The following MYCBPAP variants were observed in gnomAD, a reference collection of about 807,000 sequenced individuals.
MYCBPAP encodes MYCBP associated protein.
Under a neutral mutation model 106.1 loss-of-function variants are expected in MYCBPAP, and 60 were observed. The ratio of observed to expected loss-of-function variants is 0.57; its 90% CI spans 0.46 to 0.70. The LOEUF (loss-of-function observed/expected upper bound fraction) is 0.70. Ranked by LOEUF, MYCBPAP falls within the 30% of genes least tolerant of loss-of-function variation. MYCBPAP has a pLI of 0.00. For synonymous variants in MYCBPAP, 407 were observed against 440.6 expected (o/e 0.92, Z 0.95); for missense variants, 1,064 against 1,169.3 (o/e 0.91, Z 1.31).
Position 50,529,003 on chromosome 17 carries a change from T to C in MYCBPAP, c.2554-15T>C. Reference sequence around the variant, plus strand: ...GGAGCTCCTGAAGGCTATGTGTGTCTCCCTCCCCCAGCAGGACCGTCCCAA... The same window carrying C: ...GGAGCTCCTGAAGGCTATGTGTGTCCCCCTCCCCCAGCAGGACCGTCCCAA... On this transcript the variant is annotated splice_polypyrimidine_tract_variant and intron_variant, in intron 17 of 18. Coordinates refer to ENST00000323776, the MANE Select transcript of MYCBPAP (RefSeq NM_032133.6). The C allele has an allele frequency of 6.2e-7, 1 of 1,611,108 alleles. No individual in the cohort carries two copies. Among genetic ancestry groups the C allele is most frequent in the Non-Finnish European group, 8.5e-7 (1 of 1,178,518 alleles).
At chr17:50,525,515 A>G (rs2034428091) in intron 13 of MYCBPAP, among the ~76,000 whole-genome samples, 1 of 152,100 alleles carries the variant, frequency 6.6e-6, no homozygotes. Flanking sequence ...ATAGCGTGTC[A>G]TACTGTCACA....
rs1219378324 is a variant in MYCBPAP at position 50,529,124 on chromosome 17, T to C, written c.2660T>C (p.Leu887Pro). ...SLEDPTPDIILSSQEPIDPLV... is the reference protein window; with the variant it reads ...SLEDPTPDIIPSSQEPIDPLV... Reference sequence around the variant, plus strand: ...GAAGACCCTACCCCTGACATCATCCTCTCTTCTCAAGAACCCATAGACCCC... The same window carrying C: ...GAAGACCCTACCCCTGACATCATCCCCTCTTCTCAAGAACCCATAGACCCC... Residue 887 changes from leucine to proline, a missense_variant, in exon 18 of 19, where the codon CTC (leucine) becomes CCC (proline). Leu to Pro is a moderately conservative substitution (Grantham distance 98, BLOSUM62 -3). Coordinates refer to ENST00000323776, the MANE Select transcript of MYCBPAP (RefSeq NM_032133.6). 3 of 1,613,742 alleles carry C rather than the reference T, an allele frequency of 1.9e-6. No individual in the cohort carries two copies. In the African/African-American group the frequency reaches 4.0e-5, roughly 22 times the overall value.
At position 50,517,424 on chromosome 17, in the gene MYCBPAP, T is replaced by G; in HGVS notation, c.336T>G (p.Asp112Glu). 1 of 1,614,214 alleles carries G rather than the reference T, an allele frequency of 6.2e-7. No individual in the cohort carries two copies. The highest frequency in any genetic ancestry group is 8.5e-7 in the Non-Finnish European group (1 of 1,180,038). The change falls in exon 3 of 19, where the codon GAT becomes GAG. Residue 112 changes from aspartate to glutamate, a missense_variant. Physicochemically the swap from Asp to Glu is conservative, Grantham distance 45. Coordinates refer to ENST00000323776, the MANE Select transcript of MYCBPAP (RefSeq NM_032133.6). Reference sequence around the variant, plus strand: ...TTGTAGCACGTCCTGCGAATCCTGATGAAGCCACAAAGCCTCTGGACTACT... The same window carrying G: ...TTGTAGCACGTCCTGCGAATCCTGAGGAAGCCACAAAGCCTCTGGACTACT... ...CHLVARPANP[D>E]EATKPLDYSG...
At position 50,527,404 on chromosome 17, in the gene MYCBPAP, A is replaced by C; in HGVS notation, c.2287A>C (p.Met763Leu). The change falls in exon 15 of 19, where the codon ATG becomes CTG. Residue 763 changes from methionine (M) to leucine (L), a missense_variant. Physicochemically the swap from Met to Leu is conservative, Grantham distance 15. Transcript: ENST00000323776. ...RPLQSNLLHQ[M>L]CLQLWRDVID... ...ATTGCAGTCCAACCTCCTGCACCAG[A>C]TGTGGTAGGTGCCCTGCCAGGAGAG... 6.2e-7 allele frequency: 1 copy of C among 1,613,822 alleles called. No individual in the cohort carries two copies. Among genetic ancestry groups the C allele is most frequent in the Non-Finnish European group, 8.5e-7 (1 of 1,179,890 alleles).
intron 1 of MYCBPAP, chr17:50,510,499 G>GTATATATATATATA (rs3063016): frequency 2.5e-4 from 19 of 76,420 alleles, no homozygotes; most frequent in Non-Finnish European, 3.6e-4. Flanking sequence ...GTGTGTGTGT[G>GTATATATATATATA]TATATATATA....
At chr17:50,528,337 C>A in intron 16 of MYCBPAP, 67 bp downstream of exon 16, 1 of 1,329,498 alleles carries the variant, frequency 7.5e-7, no homozygotes, top group Non-Finnish European at 1.1e-6. Context: ...GGACAAGCAG[C>A]AGTGCCTGGG....
At chr17:50,512,924 A>C (rs2143901213) in intron 1 of MYCBPAP, among the ~76,000 whole-genome samples, 1 of 152,030 alleles carries the variant, frequency 6.6e-6, no homozygotes, top group East Asian at 1.9e-4. Context: ...ACATACAAAA[A>C]ATAGTTGGGC....
chr17:50,509,021 C>T (rs755458579), intron 1 of MYCBPAP: 2 of 702,834 alleles, frequency 2.8e-6, no homozygotes, highest in South Asian at 1.5e-5. Context: ...TGGCCTTGCG[C>T]TACCTCTAAC....
At position 50,529,275 on chromosome 17, in the gene MYCBPAP, C is replaced by G. The variant is rs558199738; in HGVS notation, c.2724+87C>G. ...GTCTGCAGACAATAAGTGCCCACTC[C>G]ATCATGGTGGAAGCAGAGCTGCTTC... On this transcript the variant is annotated intron_variant, in intron 18 of 18. Coordinates refer to ENST00000323776, the MANE Select transcript of MYCBPAP (RefSeq NM_032133.6). 5 of 1,296,620 alleles carry G rather than the reference C, an allele frequency of 3.9e-6. No homozygotes were observed. The East Asian group carries it at 1.2e-4, about 31-fold the overall frequency. The allele number at this position is 1,296,620 out of a possible 1,614,324, so 80.3% of individuals were successfully genotyped here.
At chr17:50,518,518 C>T (rs1431285418) in intron 4 of MYCBPAP, 23 bp from the exon 5 acceptor site, 2 of 1,537,922 alleles carry the variant, frequency 1.3e-6, no homozygotes, top group South Asian at 2.6e-5. Context: ...CTGCCCTCCA[C>T]ATACCTATGT....
intron 5 of MYCBPAP, 72 bp downstream of exon 5, chr17:50,518,796 C>T: frequency 6.5e-7 from 1 of 1,542,440 alleles, no homozygotes; most frequent in Non-Finnish European, 8.8e-7. Context: ...GTTTGCTCTC[C>T]TCCAGAGCCT....
chr17:50,519,516 G>A (rs1222521348), intron 6 of MYCBPAP, 124 bp from the exon 7 acceptor site: 18 of 1,164,512 alleles, frequency 1.5e-5, no homozygotes, highest in African/African-American at 4.6e-5. Flanking sequence ...ATGCAATCAC[G>A]GCAGCAATGA....
At chr17:50,510,495 GTGTGTATATATATATA>G (rs1444759636) in intron 1 of MYCBPAP, 8 of 93,066 alleles carry the variant, frequency 8.6e-5, no homozygotes, top group African/African-American at 3.9e-4. Context: ...GTGTGTGTGT[GTGTGTATATATATATA>G]TATATATATA....
chr17:50,519,753 C>T lies in MYCBPAP; in HGVS notation c.882C>T (p.His294=), dbSNP rs28498091. 0.15 allele frequency: 248,991 copies of T among 1,613,642 alleles called. 21,695 individuals are homozygous for T. Among genetic ancestry groups the T allele is most frequent in the African/African-American group, 0.35 (26,287 of 74,962 alleles). The change falls in exon 7 of 19, where the codon CAC becomes CAT. Residue 294 remains histidine (H), a synonymous_variant. Transcript: ENST00000323776. The part of the protein sequence containing the change: ...TQRGLMEPIT[H]IRKPHSIRVE... The stretch of plus-strand genomic sequence containing the variant: ...GTGGCCTCATGGAGCCCATCACTCA[C>T]ATCAGGAAGCCCCACTCCATCCGGG...
intron 7 of MYCBPAP, 69 bp from the exon 8 acceptor site, chr17:50,521,041 C>T (rs560668154): frequency 7.9e-7 from 1 of 1,263,996 alleles, no homozygotes; most frequent in South Asian, 1.3e-5. Context: ...CTCTCAGAGC[C>T]CTTGAGAAGT....
At chr17:50,511,723 C>G (rs956529704) in intron 1 of MYCBPAP, among the ~76,000 whole-genome samples, 13 of 152,030 alleles carry the variant, frequency 8.6e-5, no homozygotes, top group Non-Finnish European at 1.5e-4. Context: ...CACTAGGAGC[C>G]CTATCAGCTT....
intron 15 of MYCBPAP, among the ~76,000 whole-genome samples, chr17:50,527,749 T>G (rs1390939851): frequency 1.3e-5 from 2 of 152,206 alleles, no homozygotes; most frequent in African/African-American, 4.8e-5. Flanking sequence ...CCCTCCCCTG[T>G]ACCTGTTTGG....
At chr17:50,520,504 TTAAAATAAA>T (rs749486031) in intron 7 of MYCBPAP, among the ~76,000 whole-genome samples, 69 of 115,360 alleles carry the variant, frequency 6.0e-4, no homozygotes, top group Non-Finnish European at 1.0e-3. Flanking sequence ...AAACTCTGTC[TTAAAATAAA>T]TAAATAAATA....
At chr17:50,529,407 A>G in intron 18 of MYCBPAP, 1 of 518,904 alleles carries the variant, frequency 1.9e-6, no homozygotes, top group Non-Finnish European at 3.5e-6. Context: ...CAGGGAATGG[A>G]GGCACAGAGG....
Sources: gnomAD v4.1 joint callset for allele counts (sites outside exome capture counted in the v4.1 genomes callset) on GRCh38, gnomAD v4.1.1 for gene constraint, MANE v1.5 for transcripts, NCBI Gene and HGNC (gene_info 2026-07-23, HGNC 2026-07-21) for gene names.